Variants in CNTNAP2 observed in about 807,000 individuals in gnomAD.
The protein encoded by CNTNAP2 is contactin-associated protein-like 2.
CNTNAP2 carries 98 observed loss-of-function variants against 155.2 expected under a neutral mutation model. The ratio of observed to expected loss-of-function variants is 0.63; its 90% CI spans 0.54 to 0.75. The LOEUF (loss-of-function observed/expected upper bound fraction) is 0.75, where lower values mean the gene tolerates loss of function less well. Among genes scored for constraint, CNTNAP2 ranks in the 30% least tolerant of loss-of-function variants. The pLI is 0.00. For missense variants in CNTNAP2, 1,727 were observed against 1,688.1 expected (o/e 1.02, Z -0.40); for synonymous variants, 651 against 631.2 (o/e 1.03, Z -0.47).
chr7:147,850,818 T>C (rs200168439), intron 13 of CNTNAP2, among the ~76,000 whole-genome samples: 4 of 152,014 alleles, frequency 2.6e-5, no homozygotes, highest in African/African-American at 7.2e-5. Flanking sequence ...CCATAAAAAC[T>C]CTAGAAGAAA....
At chr7:147,247,304 A>T (rs1377414716) in intron 8 of CNTNAP2, among the ~76,000 whole-genome samples, 1 of 152,194 alleles carries the variant, frequency 6.6e-6, no homozygotes, top group African/African-American at 2.4e-5. Context: ...AAACAACAGA[A>T]TCAAGTCACC....
At chr7:147,145,237 A>G (rs1303808489) in intron 8 of CNTNAP2, among the ~76,000 whole-genome samples, 1 of 152,208 alleles carries the variant, frequency 6.6e-6, no homozygotes, top group Admixed American at 6.5e-5. Flanking sequence ...AGAAATATTC[A>G]GTGAAGAATC....
chr7:146,626,679 C>T (rs1055724659), intron 1 of CNTNAP2, among the ~76,000 whole-genome samples: 4 of 151,962 alleles, frequency 2.6e-5, no homozygotes, highest in African/African-American at 9.7e-5. Context: ...AAGACTAGAT[C>T]AAAGTCATAA....
intron 1 of CNTNAP2, among the ~76,000 whole-genome samples, chr7:146,610,370 G>C (rs189423647): frequency 6.6e-6 from 1 of 152,104 alleles, no homozygotes; most frequent in African/African-American, 2.4e-5. Context: ...GACAGGTAAG[G>C]AGAACCTGCA....
chr7:147,301,067 G>GT (rs1354022528), intron 9 of CNTNAP2, among the ~76,000 whole-genome samples: 3 of 152,136 alleles, frequency 2.0e-5, no homozygotes, highest in African/African-American at 7.2e-5. Flanking sequence ...CCCGTCCACA[G>GT]TTAAAGGAAG....
chr7:147,862,726 T>C (rs1237995203), intron 13 of CNTNAP2, among the ~76,000 whole-genome samples: 1 of 152,078 alleles, frequency 6.6e-6, no homozygotes, highest in African/African-American at 2.4e-5. Context: ...ACCAAAATGA[T>C]AAAAGGAAGT....
At chr7:146,373,362 G>C (rs1167101092) in intron 1 of CNTNAP2, among the ~76,000 whole-genome samples, 1 of 151,696 alleles carries the variant, frequency 6.6e-6, no homozygotes, top group East Asian at 1.9e-4. Flanking sequence ...CATATAAGGA[G>C]AGACAGTAAC....
intron 9 of CNTNAP2, among the ~76,000 whole-genome samples, chr7:147,368,586 G>A (rs892717618): frequency 6.6e-6 from 1 of 152,166 alleles, no homozygotes; most frequent in Non-Finnish European, 1.5e-5. Context: ...CCCGGTCAGA[G>A]CTGGAAGGGT....
intron 10 of CNTNAP2, among the ~76,000 whole-genome samples, chr7:147,474,140 A>G (rs1798274712): frequency 6.6e-6 from 1 of 151,980 alleles, no homozygotes; most frequent in African/African-American, 2.4e-5. Flanking sequence ...CAAATGGTTG[A>G]ATTACAAGGG....
intron 1 of CNTNAP2, among the ~76,000 whole-genome samples, chr7:146,669,650 T>C (rs909173065): frequency 4.6e-5 from 7 of 152,166 alleles, no homozygotes; most frequent in African/African-American, 1.7e-4. Flanking sequence ...AGGACTCCTT[T>C]GGAGCAGCAG....
At chr7:147,869,049 G>T (rs905092927) in intron 13 of CNTNAP2, among the ~76,000 whole-genome samples, 6 of 152,194 alleles carry the variant, frequency 3.9e-5, no homozygotes, top group Non-Finnish European at 7.3e-5. Context: ...TCCATCTTCT[G>T]CATCGATCAC....
chr7:147,658,242 G>GC (rs1795556739), intron 13 of CNTNAP2, among the ~76,000 whole-genome samples: 1 of 93,116 alleles, frequency 1.1e-5, no homozygotes, highest in Non-Finnish European at 2.2e-5. Flanking sequence ...GGGAGACAGA[G>GC]CGAGACTCCG....
At chr7:146,347,526 T>C (rs186184242) in intron 1 of CNTNAP2, among the ~76,000 whole-genome samples, 1 of 152,288 alleles carries the variant, frequency 6.6e-6, no homozygotes, top group Non-Finnish European at 1.5e-5. Context: ...CAATAAGTTA[T>C]TTTTCTCTGT....
At chr7:146,471,787 C>T (rs1390035162) in intron 1 of CNTNAP2, among the ~76,000 whole-genome samples, 1 of 152,086 alleles carries the variant, frequency 6.6e-6, no homozygotes, top group East Asian at 1.9e-4. Context: ...TTTTTAATTC[C>T]TATAAGTGAG....
intron 21 of CNTNAP2, among the ~76,000 whole-genome samples, chr7:148,317,252 G>T (rs1797706940): frequency 6.6e-6 from 1 of 152,192 alleles, no homozygotes; most frequent in South Asian, 2.1e-4. Context: ...CTACTCGGGA[G>T]ACTGAGGCAG....
intron 15 of CNTNAP2, among the ~76,000 whole-genome samples, chr7:148,075,336 C>G (rs965201267): frequency 6.6e-6 from 1 of 152,056 alleles, no homozygotes; most frequent in Non-Finnish European, 1.5e-5. Context: ...CCTCAGATGG[C>G]TGAGGCAAGA....
At chr7:146,975,106 T>A (rs1289751808) in intron 3 of CNTNAP2, among the ~76,000 whole-genome samples, 5 of 152,150 alleles carry the variant, frequency 3.3e-5, no homozygotes, top group Non-Finnish European at 5.9e-5. Flanking sequence ...AGTACATATT[T>A]TGGGTGATAT....
rs963694044 is a variant in CNTNAP2 at position 146,863,941 on chromosome 7, G to A, written c.402+24037G>A. On this transcript the variant is annotated intron_variant, in intron 3 of 23. Coordinates refer to ENST00000361727, the MANE Select transcript of CNTNAP2 (RefSeq NM_014141.6). ...CAATATTTTTTCTTCCTCCTTTTCT[G>A]CCCTCTTTGCTATTGATAGAGGTTG... Among the ~76,000 whole-genome samples the A allele has an allele frequency of 2.3e-4, 35 of 151,852 alleles. 1 individual carries two copies. The highest frequency in any genetic ancestry group is 8.2e-4 in the African/African-American group (34 of 41,346).
chr7:148,264,354 GT>G (rs566364734), intron 20 of CNTNAP2, among the ~76,000 whole-genome samples: 1 of 151,934 alleles, frequency 6.6e-6, no homozygotes, highest in Non-Finnish European at 1.5e-5. Flanking sequence ...TCAGCTGGCA[GT>G]TTTTTTCTGC....
Sources: gnomAD v4.1 joint callset for allele counts (sites outside exome capture counted in the v4.1 genomes callset) on GRCh38, gnomAD v4.1.1 for gene constraint, MANE v1.5 for transcripts, NCBI Gene and HGNC (gene_info 2026-07-23, HGNC 2026-07-21) for gene names.